The following LEMD1 variants were observed in gnomAD, a reference collection of about 807,000 sequenced individuals.
LEMD1 encodes the protein LEM domain-containing protein 1.
Under a neutral mutation model 17.4 loss-of-function variants are expected in LEMD1, and 18 were observed. The observed-to-expected ratio is 1.04, with a 90% CI of 0.72 to 1.54. LEMD1 has a LOEUF of 1.54. LEMD1 is among the 40% of genes most tolerant of loss of function. The probability of loss-of-function intolerance (pLI) is 0.00; values close to 1 mark genes in which losing one functional copy is unlikely to be tolerated. For synonymous variants in LEMD1, 88 were observed against 77.8 expected (o/e 1.13, Z -0.69); for missense variants, 195 against 210.4 (o/e 0.93, Z 0.45).
intron 1 of LEMD1, among the ~76,000 whole-genome samples, chr1:205,445,168 G>A (rs1666362839): frequency 6.6e-6 from 1 of 152,050 alleles, no homozygotes; most frequent in Non-Finnish European, 1.5e-5. Context: ...GGTGAATTGG[G>A]TTTTCTCTCC....
chr1:205,430,791 C>G (rs533758114), intron 1 of LEMD1, among the ~76,000 whole-genome samples: 2 of 152,350 alleles, frequency 1.3e-5, no homozygotes, highest in Non-Finnish European at 2.9e-5. Flanking sequence ...GCCGCCCTCC[C>G]TCCGCAGTGG....
chr1:205,442,149 G>A (rs1558743999), intron 1 of LEMD1, among the ~76,000 whole-genome samples: 1 of 152,202 alleles, frequency 6.6e-6, no homozygotes, highest in Non-Finnish European at 1.5e-5. Context: ...AGCGCCCTGC[G>A]TGGAGGTCAG....
At chr1:205,414,335 T>G (rs765004169) in intron 4 of LEMD1, among the ~76,000 whole-genome samples, 1 of 151,332 alleles carries the variant, frequency 6.6e-6, no homozygotes, top group Admixed American at 6.6e-5. Flanking sequence ...GTAATCCCAG[T>G]GCTTTGAGAG....
intron 4 of LEMD1, among the ~76,000 whole-genome samples, chr1:205,404,633 G>T (rs1355969938): frequency 6.6e-6 from 1 of 152,216 alleles, no homozygotes; most frequent in Admixed American, 6.5e-5. Context: ...ACAGCACACT[G>T]ATGGCTCTTG....
chr1:205,405,802 T>C (rs1323192882), intron 4 of LEMD1, among the ~76,000 whole-genome samples: 1 of 136,934 alleles, frequency 7.3e-6, no homozygotes, highest in Non-Finnish European at 1.6e-5. Flanking sequence ...TTCCAGTTTT[T>C]CTGCTCTGTT....
In LEMD1 at chr1:205,441,936, G is replaced by A. The variant is rs961379708; in HGVS notation, c.-39+7932C>T. On this transcript the variant is annotated intron_variant, in intron 1 of 3. Transcript: ENST00000367154. This position sits in a 1 kb window ranked among gnomAD's most constrained non-coding sequence, Gnocchi z 4.3. ...TGGTATCTGTTGCAGTCTGGCTGGGGAAGAGAGGGAGCTTCAGGAGCTCAG... is the reference window on the plus strand; with the variant it reads ...TGGTATCTGTTGCAGTCTGGCTGGGAAAGAGAGGGAGCTTCAGGAGCTCAG... Among the ~76,000 whole-genome samples, 1 of 152,196 alleles carries A rather than the reference G, an allele frequency of 6.6e-6. No individual in the cohort carries two copies. Among genetic ancestry groups the A allele is most frequent in the African/African-American group, 2.4e-5 (1 of 41,454 alleles).
intron 4 of LEMD1, among the ~76,000 whole-genome samples, chr1:205,401,652 G>T (rs960373734): frequency 9.9e-5 from 15 of 152,156 alleles, no homozygotes; most frequent in African/African-American, 2.7e-4. Context: ...TAGGTTGCCT[G>T]TTCACTCTTT....
chr1:205,447,666 G>A (rs1373952474), intron 1 of LEMD1, among the ~76,000 whole-genome samples: 2 of 151,988 alleles, frequency 1.3e-5, no homozygotes, highest in African/African-American at 4.8e-5. Flanking sequence ...GGGAGGGCTG[G>A]TGCCCTTCAC....
chr1:205,421,279 C>T (rs1665949445), intron 1 of LEMD1, among the ~76,000 whole-genome samples: 1 of 152,176 alleles, frequency 6.6e-6, no homozygotes, highest in Non-Finnish European at 1.5e-5. Context: ...CTTGATCTCC[C>T]AAAGTTGACC....
At chr1:205,421,031 A>T (rs535285847) in intron 1 of LEMD1, among the ~76,000 whole-genome samples, 18 of 151,948 alleles carry the variant, frequency 1.2e-4, no homozygotes, top group South Asian at 8.3e-4. Flanking sequence ...AGTACAGAGC[A>T]TTCAGTTATT....
chr1:205,389,802 C>T (rs1459400087), intron 4 of LEMD1, among the ~76,000 whole-genome samples: 1 of 152,116 alleles, frequency 6.6e-6, no homozygotes, highest in African/African-American at 2.4e-5. Flanking sequence ...GATTTACAGA[C>T]CTTTAAAACT....
chr1:205,409,219 T>C (rs1665270145), intron 4 of LEMD1, among the ~76,000 whole-genome samples: 1 of 152,248 alleles, frequency 6.6e-6, no homozygotes, highest in Non-Finnish European at 1.5e-5. Context: ...ATTGTATCTG[T>C]ATATTTACTT....
intron 4 of LEMD1, among the ~76,000 whole-genome samples, chr1:205,410,364 T>C (rs1665330417): frequency 6.6e-6 from 1 of 152,222 alleles, no homozygotes; most frequent in African/African-American, 2.4e-5. Flanking sequence ...TAAATAGTTA[T>C]TGACTCACAG....
Position 205,419,089 on chromosome 1 carries a change from TTTTCCAGGC to T in LEMD1, c.205+132_205+140del, listed in dbSNP as rs1352740705. ...ATTCTTTTTACAGCCCAGGGGCCTA[TTTTCCAGGC>T]TTTCTGTGCAAAGAGGCCCTATGGC... On this transcript the variant is annotated intron_variant, in intron 3 of 5. Transcript: ENST00000367153. The T allele has an allele frequency of 3.0e-5, 28 of 939,154 alleles. No homozygotes were observed. The South Asian group carries it at 3.9e-4, about 13-fold the overall frequency. 58.2% of individuals were successfully genotyped at this position (939,154 alleles called of 1,614,324 possible). A position where few individuals can be genotyped will look rare whatever the true frequency, so the allele number is the denominator to read the frequency against.
chr1:205,382,006 T>C, intron 5 of LEMD1, 150 bp from the exon 6 acceptor site: 2 of 663,164 alleles, frequency 3.0e-6, no homozygotes, highest in South Asian at 3.8e-5. Context: ...GGCTAATTTC[T>C]TTTTTTTTCT....
intron 1 of LEMD1, chr1:205,440,606 G>A (rs1666277315): frequency 6.6e-6 from 1 of 152,330 alleles, no homozygotes; most frequent in Non-Finnish European, 1.5e-5. Flanking sequence ...CTCAGGGCAG[G>A]AAAGAAGTTT....
intron 1 of LEMD1, among the ~76,000 whole-genome samples, chr1:205,434,557 C>T (rs548892508): frequency 6.6e-6 from 1 of 152,124 alleles, no homozygotes; most frequent in African/African-American, 2.4e-5. Flanking sequence ...CTGTTCCCCA[C>T]ACCCACCCAC....
At chr1:205,411,440 A>G (rs562106758) in intron 4 of LEMD1, among the ~76,000 whole-genome samples, 18 of 151,988 alleles carry the variant, frequency 1.2e-4, no homozygotes, top group Admixed American at 6.6e-4. Flanking sequence ...ATGTAGTCCC[A>G]GCTACCCGGA....
upstream of LEMD1, among the ~76,000 whole-genome samples, chr1:205,424,107 T>C (rs1666026766): frequency 6.6e-6 from 1 of 152,152 alleles, no homozygotes; most frequent in Non-Finnish European, 1.5e-5. Flanking sequence ...TAAATGCAAT[T>C]TACATAGGGG....
Sources: gnomAD v4.1 joint callset for allele counts (sites outside exome capture counted in the v4.1 genomes callset) on GRCh38, gnomAD v4.1.1 for gene constraint, Gnocchi (gnomAD v3.1) non-coding constraint, MANE v1.5 for transcripts, NCBI Gene and HGNC (gene_info 2026-07-23, HGNC 2026-07-21) for gene names.